The following DNAJC11 variants were observed in gnomAD, a reference collection of about 807,000 sequenced individuals.
DNAJC11 encodes dnaJ homolog subfamily C member 11.
DNAJC11 carries 15 observed loss-of-function variants against 78.6 expected under a neutral mutation model. The observed-to-expected ratio is 0.19, with a 90% CI of 0.13 to 0.29. DNAJC11 has a LOEUF of 0.29. Among genes scored for constraint, DNAJC11 ranks in the 10% least tolerant of loss-of-function variants. The pLI, the probability that DNAJC11 is intolerant of heterozygous loss-of-function variation, is 1.00. For missense variants in DNAJC11, 547 were observed against 709.6 expected, an observed-to-expected ratio of 0.77 and a Z score of 2.60; for synonymous variants, 292 against 272.1, an observed-to-expected ratio of 1.07 and a Z score of -0.72.
chr1:6,637,973 C>T (rs1390764604), intron 12 of DNAJC11: 11 of 386,020 alleles, frequency 2.8e-5, no homozygotes, highest in Non-Finnish European at 5.1e-5. Context: ...GCCGCGCACA[C>T]GGCCCATGGC....
chr1:6,662,108 T>C (rs1381698406), intron 4 of DNAJC11, among the ~76,000 whole-genome samples: 38 of 141,320 alleles, frequency 2.7e-4, no homozygotes, highest in African/African-American at 9.3e-4. Flanking sequence ...CACGCCACCA[T>C]GCCCAGTTAA....
chr1:6,695,243 C>T (rs1433243464), intron 1 of DNAJC11, among the ~76,000 whole-genome samples: 1 of 151,782 alleles, frequency 6.6e-6, no homozygotes, highest in East Asian at 1.9e-4. Flanking sequence ...TTAAGTTATC[C>T]TCCTGCCTTA....
Position 6,646,134 on chromosome 1 carries a change from A to T in DNAJC11, c.705-156T>A, listed in dbSNP as rs1180535928. On this transcript the variant is annotated intron_variant, in intron 7 of 15. Transcript: ENST00000377577. ...AAAAAAAGCAGGAGGTCAGGCCTCTATCCACACAGAGGGGGAGGGTCCTAG... is the reference window on the plus strand; with the variant it reads ...AAAAAAAGCAGGAGGTCAGGCCTCTTTCCACACAGAGGGGGAGGGTCCTAG... Among the ~76,000 whole-genome samples, 5 of 151,758 alleles carry T rather than the reference A, an allele frequency of 3.3e-5. No homozygotes were observed. In the East Asian group the frequency reaches 9.6e-4, roughly 29 times the overall value.
Position 6,637,325 on chromosome 1 carries a change from T to G in DNAJC11, c.1397A>C (p.Asn466Thr). The change falls in exon 14 of 16, where the codon AAT becomes ACT. Residue 466 changes from asparagine (N) to threonine (T), a missense_variant. Transcript: ENST00000377577. ...EESRMGLIIVNAWYGKFVNDK... is the reference protein window; with the variant it reads ...EESRMGLIIVTAWYGKFVNDK... The stretch of plus-strand genomic sequence containing the variant: ...ATTGACAAACTTCCCGTACCAGGCA[T>G]TGACGATGATGAGGCCTAAGGACAG... 6.2e-7 allele frequency: 1 copy of G among 1,614,198 alleles called. No individual in the cohort carries two copies. The highest frequency in any genetic ancestry group is 8.5e-7 in the Non-Finnish European group (1 of 1,180,026).
intron 1 of DNAJC11, among the ~76,000 whole-genome samples, chr1:6,686,517 A>AATC (rs1642659660): frequency 6.6e-6 from 1 of 152,200 alleles, no homozygotes; most frequent in Non-Finnish European, 1.5e-5. Flanking sequence ...ATCCTGTGCC[A>AATC]ATCACCAAGG....
At chr1:6,649,712 C>CT (rs749405921) in intron 7 of DNAJC11, among the ~76,000 whole-genome samples, 3,184 of 143,426 alleles carry the variant, frequency 0.022, 87 homozygotes, top group African/African-American at 0.066. Flanking sequence ...TAATAACTAA[C>CT]TTTTTTTTTT....
intron 10 of DNAJC11, among the ~76,000 whole-genome samples, chr1:6,644,143 T>C (rs1167555391): frequency 2.0e-5 from 3 of 151,922 alleles, no homozygotes; most frequent in African/African-American, 7.3e-5. Flanking sequence ...TTTTTTTATA[T>C]TTTTTGAGAC....
chr1:6,691,296 C>T (rs912224427), intron 1 of DNAJC11, among the ~76,000 whole-genome samples: 5 of 149,590 alleles, frequency 3.3e-5, no homozygotes, highest in Non-Finnish European at 5.9e-5. Flanking sequence ...AATTCAAGAA[C>T]AAATGGGCCC....
At position 6,635,382 on chromosome 1, in the gene DNAJC11, C is replaced by T. The variant is rs1026963579; in HGVS notation, c.*293G>A. ...GCGGGCTGCGGTCAGCACGTGTGCT[C>T]GGGACACAGCGGAGTCAGGGCCAGA... On this transcript the variant is annotated 3_prime_UTR_variant, in exon 16 of 16. Coordinates refer to ENST00000377577, the MANE Select transcript of DNAJC11 (RefSeq NM_018198.4). 6 of 367,144 alleles carry T rather than the reference C, an allele frequency of 1.6e-5. No individual in the cohort carries two copies. Among genetic ancestry groups the T allele is most frequent in the African/African-American group, 6.2e-5 (3 of 48,422 alleles). 22.7% of individuals were successfully genotyped at this position (367,144 alleles called of 1,614,324 possible). A position where few individuals can be genotyped will look rare whatever the true frequency, so the allele number is the denominator to read the frequency against.
chr1:6,694,800 C>T (rs1043081990), intron 1 of DNAJC11, among the ~76,000 whole-genome samples: 2 of 145,708 alleles, frequency 1.4e-5, no homozygotes, highest in African/African-American at 2.5e-5. Flanking sequence ...CCCGTCTCTA[C>T]TAAAAATACA....
At position 6,667,709 on chromosome 1, in the gene DNAJC11, C is replaced by G; in HGVS notation, c.378G>C (p.Lys126Asn). 4 of 1,614,016 alleles carry G rather than the reference C, an allele frequency of 2.5e-6. No homozygotes were observed. The highest frequency in any genetic ancestry group is 3.4e-6 in the Non-Finnish European group (4 of 1,179,956). The change falls in exon 4 of 16, where the codon AAG (lysine) becomes AAC (asparagine). Residue 126 changes from lysine (K) to asparagine (N), a missense_variant and splice_region_variant. By Grantham distance (94) the Lys-to-Asn change is moderately conservative. Transcript: ENST00000377577. ...ERRLQQRTNP[K>N]GTISVGVDAT... ...TCATGAAACGTGGCCCCTGGCTTACCTTGGGATTGGTTCGCTGCTGCAATC... is the reference window on the plus strand; with the variant it reads ...TCATGAAACGTGGCCCCTGGCTTACGTTGGGATTGGTTCGCTGCTGCAATC...
Position 6,637,958 on chromosome 1 carries a change from G to T in DNAJC11, c.1323+337C>A. 7 of 381,924 alleles carry T rather than the reference G, an allele frequency of 1.8e-5. No individual in the cohort carries two copies. In the South Asian group the frequency reaches 2.4e-4, roughly 13 times the overall value. The allele number at this position is 381,924 out of a possible 1,614,324, so 23.7% of individuals were successfully genotyped here. A position where few individuals can be genotyped will look rare whatever the true frequency, so the allele number is the denominator to read the frequency against. The stretch of plus-strand genomic sequence containing the variant: ...CGCCCCCTCAGACAGGCATGTGCTC[G>T]CCAGGCCGCGCACACGGCCCATGGC... On this transcript the variant is annotated intron_variant, in intron 12 of 15. Transcript: ENST00000377577.
rs368256065 is a variant in DNAJC11, at chr1:6,634,691, G to A, written c.*984C>T. Reference sequence around the variant, plus strand: ...TGCATTCTGCATCCCAAGTGGGCACGTGGAGGAAGGGTCTGAAGGAAGGCT... The same window carrying A: ...TGCATTCTGCATCCCAAGTGGGCACATGGAGGAAGGGTCTGAAGGAAGGCT... On this transcript the variant is annotated 3_prime_UTR_variant, in exon 16 of 16. Transcript: ENST00000377577. 8 of 1,366,066 alleles carry A rather than the reference G, an allele frequency of 5.9e-6. No homozygotes were observed. The South Asian group carries it at 8.0e-5, about 14-fold the overall frequency. 84.6% of individuals were successfully genotyped at this position (1,366,066 alleles called of 1,614,324 possible). A position where few individuals can be genotyped will look rare whatever the true frequency, so the allele number is the denominator to read the frequency against.
intron 4 of DNAJC11, among the ~76,000 whole-genome samples, chr1:6,658,790 T>C (rs765640381): frequency 1.3e-5 from 2 of 152,216 alleles, no homozygotes; most frequent in Non-Finnish European, 2.9e-5. Flanking sequence ...GCTTCTCCCT[T>C]GGGAGGAACC....
chr1:6,651,657 AC>A, intron 6 of DNAJC11, 55 bp from the exon 7 acceptor site: 1 of 1,407,428 alleles, frequency 7.1e-7, no homozygotes, highest in Non-Finnish European at 1.0e-6. Flanking sequence ...CATAGCAGCA[AC>A]CCAGGCTCAG....
intron 4 of DNAJC11, among the ~76,000 whole-genome samples, chr1:6,660,710 C>T (rs557118453): frequency 1.7e-4 from 26 of 152,308 alleles, no homozygotes; most frequent in African/African-American, 5.8e-4. Context: ...CTGATTCCCC[C>T]CTTTCGTAGC....
At chr1:6,674,396 A>G (rs1642427704) in intron 3 of DNAJC11, among the ~76,000 whole-genome samples, 1 of 152,160 alleles carries the variant, frequency 6.6e-6, no homozygotes, top group African/African-American at 2.4e-5. Flanking sequence ...CTCTGTCTCT[A>G]CCAAAAATAC....
chr1:6,688,433 G>GT (rs1421779136), intron 1 of DNAJC11, among the ~76,000 whole-genome samples: 1 of 152,134 alleles, frequency 6.6e-6, no homozygotes, highest in South Asian at 2.1e-4. Flanking sequence ...CCTTCAATCA[G>GT]TAAGTTTACT....
At position 6,635,564 on chromosome 1, in the gene DNAJC11, A is replaced by T. The variant is rs899683048; in HGVS notation, c.*111T>A. 42 of 1,154,958 alleles carry T rather than the reference A, an allele frequency of 3.6e-5. 1 individual carries two copies. The South Asian group carries it at 5.7e-4, about 16-fold the overall frequency. 71.5% of individuals were successfully genotyped at this position (1,154,958 alleles called of 1,614,324 possible). Reference sequence around the variant, plus strand: ...AATTGATAATGGTACCACCTTCTATAATAATAATATAAAATAAAAACATCT... The same window carrying T: ...AATTGATAATGGTACCACCTTCTATTATAATAATATAAAATAAAAACATCT... On this transcript the variant is annotated 3_prime_UTR_variant, in exon 16 of 16. Transcript: ENST00000377577.
Sources: allele counts gnomAD v4.1 joint callset (sites outside exome capture counted in the v4.1 genomes callset), GRCh38; gene constraint gnomAD v4.1.1; transcripts MANE v1.5; gene names NCBI Gene and HGNC (gene_info 2026-07-23, HGNC 2026-07-21).